VASH2: variants seen among roughly 807,000 people sequenced by gnomAD.
VASH2 encodes the protein vasohibin 2.
Under a neutral mutation model 37.2 loss-of-function variants are expected in VASH2, and 28 were observed. That is an observed-to-expected ratio of 0.75 (90% CI 0.56 to 1.03). VASH2 has a LOEUF of 1.03. VASH2 is among the 50% of genes least tolerant of loss of function. The pLI is 0.00. For missense variants in VASH2, 419 were observed against 459.1 expected, an observed-to-expected ratio of 0.91 and a Z score of 0.80; for synonymous variants, 188 against 174.7, an observed-to-expected ratio of 1.08 and a Z score of -0.60.
chr1:212,974,054 G>A lies in VASH2; in HGVS notation c.979G>A (p.Gly327Ser), dbSNP rs199687294. 18 of 1,612,774 alleles carry A rather than the reference G, an allele frequency of 1.1e-5. No individual in the cohort carries two copies. Among genetic ancestry groups the A allele is most frequent in the East Asian group, 6.7e-5 (3 of 44,848 alleles). The part of the protein sequence containing the change: ...RRQASPPRRL[G>S]RREKSPALPE... ...ACAGGCAAGCCCCCCGAGGAGGCTC[G>A]GCCGGCGAGAGAAGTCGTGAGTAAT... The change falls in exon 7 of 8, where the codon GGC (glycine) becomes AGC (serine). Residue 327 changes from glycine (G) to serine (S), a missense_variant. Around this residue, in one of 3 missense-constraint regions of VASH2, gnomAD observed 177 missense variants for 166.2 expected, o/e 1.06. Coordinates refer to ENST00000517399, the MANE Select transcript of VASH2 (RefSeq NM_001301056.2).
chr1:212,971,617 A>G lies in VASH2; in HGVS notation c.498-963A>G, dbSNP rs1667012401. 6.6e-6 allele frequency among the ~76,000 whole-genome samples: 1 copy of G among 152,174 alleles called. No individual in the cohort carries two copies. The highest frequency in any genetic ancestry group is 6.5e-5 in the Admixed American group (1 of 15,286). On this transcript the variant is annotated intron_variant, in intron 5 of 7. Transcript: ENST00000517399. This position sits in a 1 kb window ranked among gnomAD's most constrained non-coding sequence, Gnocchi z 4.0. ...CAGAAGGATGTGATTTCACTCCCTAACTGCCAGGTGATCTCACATGATAAA... is the reference window on the plus strand; with the variant it reads ...CAGAAGGATGTGATTTCACTCCCTAGCTGCCAGGTGATCTCACATGATAAA...
At chr1:212,954,646 A>C (rs1276070207) in intron 2 of VASH2, among the ~76,000 whole-genome samples, 1 of 152,090 alleles carries the variant, frequency 6.6e-6, no homozygotes, top group African/African-American at 2.4e-5. Context: ...TCTCGAACTC[A>C]TGACCTCATG....
intron 5 of VASH2, chr1:212,969,167 C>T (rs1403652234): frequency 1.0e-6 from 1 of 984,664 alleles, no homozygotes; most frequent in Non-Finnish European, 1.2e-6. Context: ...TGCACACAGA[C>T]AGGAAACACA....
intron 7 of VASH2, among the ~76,000 whole-genome samples, chr1:212,987,591 A>C (rs1179446341): frequency 3.3e-5 from 5 of 152,198 alleles, no homozygotes; most frequent in Admixed American, 2.6e-4. Flanking sequence ...AAAAACAAAA[A>C]CAAAACAAAA....
chr1:212,966,322 C>T lies in VASH2; in HGVS notation c.474C>T (p.Cys158=). 1 of 1,551,664 alleles carries T rather than the reference C, an allele frequency of 6.4e-7. No homozygotes were observed. Among genetic ancestry groups the T allele is most frequent in the Non-Finnish European group, 8.7e-7 (1 of 1,146,974 alleles). Residue 158 remains cysteine (C), a synonymous_variant, in exon 5 of 8, where the codon TGC becomes TGT. Coordinates refer to ENST00000517399, the MANE Select transcript of VASH2 (RefSeq NM_001301056.2). ...CCCGAGAGTCCTTGCCTATCAAATG[C>T]CTTGAAGCTGTCATCCTGGGCATGT... ...EMTRESLPIK[C]LEAVILGIYL...
intron 7 of VASH2, among the ~76,000 whole-genome samples, chr1:212,978,460 C>T (rs553992375): frequency 2.9e-4 from 44 of 152,314 alleles, no homozygotes; most frequent in African/African-American, 1.0e-3. Context: ...TTCCATCACC[C>T]TCCTCCCTCC....
chr1:212,975,327 G>A, intron 7 of VASH2, among the ~76,000 whole-genome samples: 1 of 152,232 alleles, frequency 6.6e-6, no homozygotes, highest in East Asian at 1.9e-4. Context: ...CTGCCACGAG[G>A]GCCTTGGTGA....
intron 7 of VASH2, among the ~76,000 whole-genome samples, chr1:212,982,143 T>C (rs1190977632): frequency 2.0e-5 from 3 of 152,200 alleles, no homozygotes; most frequent in African/African-American, 4.8e-5. Flanking sequence ...AGACCTGTCA[T>C]TGGGGTTAAG....
In VASH2 at chr1:212,951,009, G is replaced by C. The variant is rs903609326; in HGVS notation, c.-205+269G>C. Among the ~76,000 whole-genome samples, 33 of 152,366 alleles carry C rather than the reference G, an allele frequency of 2.2e-4. No individual in the cohort carries two copies. Among genetic ancestry groups the C allele is most frequent in the Non-Finnish European group, 4.4e-4 (30 of 68,034 alleles). ...CTCTTGGCCACATCTGAGGACCCAG[G>C]AATGTGTGGAGCCTTGCGGGAACCT... On this transcript the variant is annotated intron_variant, in intron 1 of 7. Transcript: ENST00000517399. The surrounding 1 kb of genome is among the most constrained non-coding windows in gnomAD (Gnocchi z 4.4).
chr1:212,967,296 G>A (rs988779424), intron 5 of VASH2: 4 of 1,257,066 alleles, frequency 3.2e-6, no homozygotes, highest in South Asian at 1.3e-5. Context: ...TTATACATTC[G>A]AGCATCATGC....
chr1:212,988,831 G>T lies in VASH2; in HGVS notation c.*247G>T. ...CTATGTCCCTCACTCAAGATCTTAA[G>T]GATAACCGTAACTGAAGTTTTATAT... On this transcript the variant is annotated 3_prime_UTR_variant, in exon 8 of 8. Transcript: ENST00000517399. 6 of 469,420 alleles carry T rather than the reference G, an allele frequency of 1.3e-5. No homozygotes were observed. The highest frequency in any genetic ancestry group is 1.9e-5 in the Non-Finnish European group (5 of 257,456). 29.1% of individuals were successfully genotyped at this position (469,420 alleles called of 1,614,324 possible).
intron 7 of VASH2, among the ~76,000 whole-genome samples, chr1:212,979,308 C>T (rs1179024001): frequency 6.6e-6 from 1 of 152,224 alleles, no homozygotes; most frequent in Non-Finnish European, 1.5e-5. Flanking sequence ...CCCAATCACT[C>T]CACAAACTCC....
intron 5 of VASH2, among the ~76,000 whole-genome samples, chr1:212,966,721 GCAA>G (rs1294732712): frequency 2.0e-5 from 3 of 152,170 alleles, no homozygotes; most frequent in Non-Finnish European, 4.4e-5. Flanking sequence ...AAGGGGAAAT[GCAA>G]TCAGAGCCAA....
In VASH2 at chr1:212,972,691, C is replaced by T; in HGVS notation, c.609C>T (p.Arg203=). 1 of 1,614,208 alleles carries T rather than the reference C, an allele frequency of 6.2e-7. No individual in the cohort carries two copies. The highest frequency in any genetic ancestry group is 8.5e-7 in the Non-Finnish European group (1 of 1,180,056). ...TGCTGGGGATTTACTGCAATGGCCG[C>T]TATGGCTCATTGGGCATGAGCCGCA... ...HVVLGIYCNG[R]YGSLGMSRRA... Residue 203 remains arginine (R), a synonymous_variant, in exon 6 of 8, where the codon CGC becomes CGT. Coordinates refer to ENST00000517399, the MANE Select transcript of VASH2 (RefSeq NM_001301056.2).
intron 2 of VASH2, among the ~76,000 whole-genome samples, chr1:212,960,152 C>A (rs1341751810): frequency 1.3e-5 from 2 of 152,222 alleles, no homozygotes; most frequent in Non-Finnish European, 2.9e-5. Flanking sequence ...CAGGGTACGG[C>A]TGCTCAGAGC....
At chr1:212,968,629 G>C in intron 5 of VASH2, 1 of 985,540 alleles carries the variant, frequency 1.0e-6, no homozygotes, top group Non-Finnish European at 1.2e-6. Context: ...TTCCCACAAA[G>C]GAGATGAAAC....
At chr1:212,982,063 A>T (rs1285493178) in intron 7 of VASH2, among the ~76,000 whole-genome samples, 1 of 152,154 alleles carries the variant, frequency 6.6e-6, no homozygotes, top group African/African-American at 2.4e-5. Context: ...TCTCTGTGGA[A>T]CCACCACCCT....
chr1:212,960,269 C>T (rs550386374), intron 2 of VASH2, among the ~76,000 whole-genome samples: 148 of 152,274 alleles, frequency 9.7e-4, no homozygotes, highest in African/African-American at 3.4e-3. Flanking sequence ...ATTAGGACTT[C>T]GTCTGCTGTG....
At chr1:212,983,527 C>T (rs2102659477) in intron 7 of VASH2, among the ~76,000 whole-genome samples, 1 of 152,352 alleles carries the variant, frequency 6.6e-6, no homozygotes. Context: ...CGGATCCACA[C>T]ACCTCCCACT....
Sources: gnomAD v4.1 joint callset for allele counts (sites outside exome capture counted in the v4.1 genomes callset) on GRCh38, gnomAD v4.1.1 for gene constraint, gnomAD v4.1.1 regional missense constraint, Gnocchi (gnomAD v3.1) non-coding constraint, MANE v1.5 for transcripts, NCBI Gene and HGNC (gene_info 2026-07-23, HGNC 2026-07-21) for gene names.